HDAC9: variants seen among roughly 807,000 people sequenced by gnomAD.
HDAC9 encodes the protein histone deacetylase 9, also known as MEF-2 interacting transcription repressor (MITR) protein.
HDAC9 carries 41 observed loss-of-function variants against 139.4 expected under a neutral mutation model. The ratio of observed to expected loss-of-function variants is 0.29; its 90% CI spans 0.23 to 0.38. The LOEUF (loss-of-function observed/expected upper bound fraction) is 0.38. Among genes scored for constraint, HDAC9 ranks in the 10% least tolerant of loss-of-function variants. The pLI, the probability that HDAC9 is intolerant of heterozygous loss-of-function variation, is 1.00. For synonymous variants in HDAC9, 517 were observed against 476.2 expected (o/e 1.09, Z -1.12); for missense variants, 1,147 against 1,297.0 (o/e 0.88, Z 1.78).
intron 12 of HDAC9, among the ~76,000 whole-genome samples, chr7:18,712,570 C>A (rs1784422888): frequency 6.6e-6 from 1 of 152,130 alleles, no homozygotes. Context: ...AGCCTTTACT[C>A]AAGTTGTGAA....
chr7:18,383,758 G>A (rs1317611407), intron 1 of HDAC9, among the ~76,000 whole-genome samples: 2 of 151,516 alleles, frequency 1.3e-5, no homozygotes, highest in African/African-American at 2.4e-5. Context: ...GCGTGGTGGC[G>A]GGCGTCTGCA....
At chr7:18,891,842 A>G (rs1307414258) in intron 22 of HDAC9, among the ~76,000 whole-genome samples, 2 of 152,220 alleles carry the variant, frequency 1.3e-5, no homozygotes, top group African/African-American at 4.8e-5. Flanking sequence ...ACTAGTGTCA[A>G]ACAGCCTGGC....
At chr7:18,254,285 C>T (rs1219293452) in intron 2 of HDAC9, among the ~76,000 whole-genome samples, 1 of 152,174 alleles carries the variant, frequency 6.6e-6, no homozygotes, top group East Asian at 1.9e-4. Context: ...TAAAGAGTTA[C>T]CTATCTAGGA....
At chr7:18,444,342 A>G (rs1023939243) in intron 1 of HDAC9, among the ~76,000 whole-genome samples, 36 of 111,430 alleles carry the variant, frequency 3.2e-4, no homozygotes, top group South Asian at 1.4e-3. Flanking sequence ...ACCCTGTCTG[A>G]AAAAAAAAAA....
At chr7:18,616,054 C>T (rs1838502006) in intron 6 of HDAC9, among the ~76,000 whole-genome samples, 1 of 152,134 alleles carries the variant, frequency 6.6e-6, no homozygotes, top group Admixed American at 6.6e-5. Flanking sequence ...GTCCCATCCT[C>T]GTGGCCACTA....
At chr7:18,127,792 T>C (rs1056026413) in intron 1 of HDAC9, among the ~76,000 whole-genome samples, 5 of 152,124 alleles carry the variant, frequency 3.3e-5, no homozygotes, top group Admixed American at 2.0e-4. Flanking sequence ...ACAGAACCTG[T>C]TGGTGACTTT....
At chr7:18,680,456 C>T (rs1781816297) in intron 12 of HDAC9, among the ~76,000 whole-genome samples, 1 of 151,840 alleles carries the variant, frequency 6.6e-6, no homozygotes, top group African/African-American at 2.4e-5. Flanking sequence ...GTTAGTGAAC[C>T]TTGATGGGCA....
chr7:18,963,400 T>C (rs1322646152), intron 24 of HDAC9, among the ~76,000 whole-genome samples: 4 of 152,098 alleles, frequency 2.6e-5, no homozygotes, highest in African/African-American at 9.7e-5. Flanking sequence ...CCTCAATATA[T>C]GCAGAGATTA....
At chr7:18,153,359 A>C (rs1023608778) in intron 1 of HDAC9, among the ~76,000 whole-genome samples, 4 of 152,146 alleles carry the variant, frequency 2.6e-5, no homozygotes, top group Admixed American at 1.3e-4. Context: ...TCTGGGGTCA[A>C]ATACCCTCTA....
intron 11 of HDAC9, among the ~76,000 whole-genome samples, chr7:18,650,174 A>G (rs931471660): frequency 6.6e-6 from 1 of 152,158 alleles, no homozygotes; most frequent in African/African-American, 2.4e-5. Flanking sequence ...GTGGCCTTTC[A>G]GCACAACTTA....
At chr7:18,285,761 C>T (rs1358889475), upstream of HDAC9, among the ~76,000 whole-genome samples, 1 of 152,064 alleles carries the variant, frequency 6.6e-6, no homozygotes, top group African/African-American at 2.4e-5. Context: ...TCAGCAAGTA[C>T]ATATTTAGAC....
At chr7:18,281,267 G>A (rs549050566) in intron 2 of HDAC9, among the ~76,000 whole-genome samples, 3 of 152,322 alleles carry the variant, frequency 2.0e-5, no homozygotes, top group Admixed American at 6.5e-5. Flanking sequence ...TTGTTTTATC[G>A]TGGTATTAGT....
chr7:18,535,754 TA>T (rs1324642114), intron 2 of HDAC9, among the ~76,000 whole-genome samples: 4 of 139,174 alleles, frequency 2.9e-5, no homozygotes, highest in African/African-American at 1.0e-4. Flanking sequence ...AAAAAAAATT[TA>T]CTTCTATTTC....
chr7:18,610,432 T>A (rs1836790665), intron 6 of HDAC9, among the ~76,000 whole-genome samples: 1 of 152,052 alleles, frequency 6.6e-6, no homozygotes, highest in African/African-American at 2.4e-5. Flanking sequence ...AGGCTCACCT[T>A]TTCACAGTTT....
At chr7:18,108,221 C>T (rs1783358523) in intron 1 of HDAC9, among the ~76,000 whole-genome samples, 1 of 152,134 alleles carries the variant, frequency 6.6e-6, no homozygotes. Flanking sequence ...AGAAAACCCT[C>T]AGGTAAAGAA....
chr7:18,555,814 G>T (rs1818622605), intron 2 of HDAC9, among the ~76,000 whole-genome samples: 2 of 151,912 alleles, frequency 1.3e-5, no homozygotes, highest in Non-Finnish European at 2.9e-5. Flanking sequence ...AATTATTGTA[G>T]GTCTGTATTC....
intron 12 of HDAC9, among the ~76,000 whole-genome samples, chr7:18,673,025 T>A (rs545947855): frequency 6.6e-6 from 1 of 152,076 alleles, no homozygotes; most frequent in South Asian, 2.1e-4. Context: ...TATTCCTTTT[T>A]TTCTGGTGCT....
intron 16 of HDAC9, among the ~76,000 whole-genome samples, chr7:18,779,690 C>A (rs1157568108): frequency 1.3e-5 from 2 of 151,958 alleles, no homozygotes; most frequent in African/African-American, 4.8e-5. Flanking sequence ...TTGTGAGGAT[C>A]AAATGTGATA....
chr7:18,877,469 C>G lies in HDAC9; in HGVS notation c.2803+2873C>G, dbSNP rs79803519. On this transcript the variant is annotated intron_variant, in intron 22 of 25. Transcript: ENST00000686413. ...AAAAAGTAGGAACAAGATACACAACCAAGTTCTTCTCCCCGTGTTTTCCAA... is the reference window on the plus strand; with the variant it reads ...AAAAAGTAGGAACAAGATACACAACGAAGTTCTTCTCCCCGTGTTTTCCAA... Among the ~76,000 whole-genome samples, 353 of 152,236 alleles carry G rather than the reference C, an allele frequency of 2.3e-3. 15 individuals carry two copies. The East Asian group carries it at 0.058, about 25-fold the overall frequency.
Sources: allele counts gnomAD v4.1 joint callset (sites outside exome capture counted in the v4.1 genomes callset), GRCh38; gene constraint gnomAD v4.1.1; transcripts MANE v1.5; gene names NCBI Gene and HGNC (gene_info 2026-07-23, HGNC 2026-07-21).